Variants in CCDC81 observed in about 807,000 individuals in gnomAD.
The protein encoded by CCDC81 is coiled-coil domain containing 81.
In CCDC81, 79 loss-of-function variants were observed where a neutral mutation model predicts 83.7. The ratio of observed to expected loss-of-function variants is 0.94; its 90% CI spans 0.79 to 1.14. The LOEUF (loss-of-function observed/expected upper bound fraction) is 1.14. Among genes scored for constraint, CCDC81 ranks in the 50% most tolerant of loss-of-function variants. The pLI, the probability that CCDC81 is intolerant of heterozygous loss-of-function variation, is 0.00. For missense variants in CCDC81, 791 were observed against 778.1 expected (o/e 1.02, Z -0.20); for synonymous variants, 252 against 278.1 (o/e 0.91, Z 0.93).
intron 13 of CCDC81, 147 bp downstream of exon 13, chr11:86,415,460 T>C (rs896648430): frequency 1.6e-6 from 1 of 643,816 alleles, no homozygotes. Flanking sequence ...TGAGGAGTTA[T>C]TTGTGCAAGG....
intron 14 of CCDC81, among the ~76,000 whole-genome samples, chr11:86,420,270 G>A (rs1173602043): frequency 1.3e-5 from 2 of 152,160 alleles, no homozygotes; most frequent in East Asian, 1.9e-4. Context: ...TTTACTAACC[G>A]TGCTCTAATA....
chr11:86,408,098 T>C (rs1349860985), intron 8 of CCDC81, 29 bp from the exon 9 acceptor site: 2 of 1,606,354 alleles, frequency 1.2e-6, no homozygotes, highest in Non-Finnish European at 1.7e-6. Flanking sequence ...AATGTAAAAA[T>C]TTATTTGTCC....
intron 10 of CCDC81, among the ~76,000 whole-genome samples, chr11:86,409,575 C>T (rs1948609991): frequency 6.6e-6 from 1 of 152,126 alleles, no homozygotes; most frequent in Admixed American, 6.6e-5. Flanking sequence ...CCTCAGCCTC[C>T]CGAGTAGCTG....
At chr11:86,378,978 T>C (rs1948136114) in intron 1 of CCDC81, among the ~76,000 whole-genome samples, 1 of 152,200 alleles carries the variant, frequency 6.6e-6, no homozygotes, top group Non-Finnish European at 1.5e-5. Flanking sequence ...CTGATATAGC[T>C]AGATTAATAC....
intron 9 of CCDC81, among the ~76,000 whole-genome samples, 153 bp downstream of exon 9, chr11:86,408,423 A>C (rs1593934045): frequency 6.6e-6 from 1 of 152,268 alleles, no homozygotes; most frequent in African/African-American, 2.4e-5. Flanking sequence ...GCCTTGACCT[A>C]CTTGGGCTCA....
intron 7 of CCDC81, among the ~76,000 whole-genome samples, chr11:86,404,969 C>G (rs1948544359): frequency 6.6e-6 from 1 of 152,126 alleles, no homozygotes; most frequent in Non-Finnish European, 1.5e-5. Flanking sequence ...AGCTTGAGTA[C>G]TTTTACAGTA....
Position 86,396,198 on chromosome 11 carries a change from T to C in CCDC81, c.635+785T>C, listed in dbSNP as rs570519620. Among the ~76,000 whole-genome samples, 12 of 152,358 alleles carry C rather than the reference T, an allele frequency of 7.9e-5. No individual in the cohort carries two copies. In the South Asian group the frequency reaches 1.2e-3, roughly 16 times the overall value. ...ACAGTGGTTGTTACTGGTGGTTGCA[T>C]ATTACTGTATTTAATCTTCACGACA... On this transcript the variant is annotated intron_variant, in intron 5 of 14. Transcript: ENST00000445632.
Position 86,379,341 on chromosome 11 carries a change from C to T in CCDC81, c.79+4099C>T, listed in dbSNP as rs538703300. On this transcript the variant is annotated intron_variant, in intron 1 of 14. Transcript: ENST00000445632. ...TTGATCTCCTGACCTTGTGATCCGC[C>T]TACCCCAGCCTCCCAAAGTGCTGGG... 2.3e-3 allele frequency among the ~76,000 whole-genome samples: 356 copies of T among 152,212 alleles called. 1 individual carries two copies. Among genetic ancestry groups the T allele is most frequent in the Non-Finnish European group, 3.8e-3 (259 of 68,000 alleles).
chr11:86,411,241 C>T (rs1450426727), intron 10 of CCDC81, among the ~76,000 whole-genome samples: 1 of 152,136 alleles, frequency 6.6e-6, no homozygotes, highest in Non-Finnish European at 1.5e-5. Context: ...GACTTTTTTT[C>T]TGCTCATTGA....
At chr11:86,376,211 T>C (rs1565755319) in intron 1 of CCDC81, among the ~76,000 whole-genome samples, 1 of 152,194 alleles carries the variant, frequency 6.6e-6, no homozygotes, top group African/African-American at 2.4e-5. Context: ...ATTTACAATT[T>C]AGGTAAATGA....
At chr11:86,397,847 ATATTAT>A in intron 6 of CCDC81, 105 bp downstream of exon 6, 1 of 1,296,466 alleles carries the variant, frequency 7.7e-7, no homozygotes, top group Admixed American at 2.7e-5. Context: ...AATAATCACT[ATATTAT>A]TATTACTTTT....
At chr11:86,413,486 C>T (rs1948673896) in intron 11 of CCDC81, among the ~76,000 whole-genome samples, 1 of 152,104 alleles carries the variant, frequency 6.6e-6, no homozygotes, top group Non-Finnish European at 1.5e-5. Context: ...TCCCCACTTC[C>T]ATATCGTTTA....
intron 13 of CCDC81, among the ~76,000 whole-genome samples, chr11:86,416,199 T>C (rs1406726482): frequency 6.6e-6 from 1 of 152,224 alleles, no homozygotes; most frequent in Non-Finnish European, 1.5e-5. Flanking sequence ...ATATATTCTG[T>C]ATATAAGTCC....
intron 13 of CCDC81, among the ~76,000 whole-genome samples, chr11:86,415,671 CTTTAT>C (rs1028859389): frequency 9.2e-5 from 14 of 152,008 alleles, no homozygotes; most frequent in African/African-American, 3.1e-4. Flanking sequence ...TGTAATCAGT[CTTTAT>C]TTTATTTTAT....
intron 8 of CCDC81, 35 bp from the exon 9 acceptor site, chr11:86,408,092 T>G: frequency 6.2e-7 from 1 of 1,605,630 alleles, no homozygotes; most frequent in Non-Finnish European, 8.5e-7. Context: ...AGGTAAAATG[T>G]AAAAATTTAT....
chr11:86,383,673 T>C (rs1664739363), intron 1 of CCDC81, among the ~76,000 whole-genome samples: 1 of 152,218 alleles, frequency 6.6e-6, no homozygotes, highest in African/African-American at 2.4e-5. Context: ...TATCCTTCAA[T>C]TTGCTTTTTA....
chr11:86,419,868 C>G lies in CCDC81; in HGVS notation c.1692-60C>G, dbSNP rs988781040. The G allele has an allele frequency of 2.6e-5, 39 of 1,520,974 alleles. No individual in the cohort carries two copies. In the Middle Eastern group the frequency reaches 5.3e-4, roughly 21 times the overall value. 94.2% of individuals were successfully genotyped at this position (1,520,974 alleles called of 1,614,324 possible). ...TGTTTAACATAAAAGGAATGGGGCT[C>G]CCAAATTTGGTGCATGCTCTTCCAA... On this transcript the variant is annotated intron_variant, in intron 13 of 14. Coordinates refer to ENST00000445632, the MANE Select transcript of CCDC81 (RefSeq NM_001156474.2).
chr11:86,415,377 C>A, intron 13 of CCDC81, 64 bp downstream of exon 13: 1 of 1,297,468 alleles, frequency 7.7e-7, no homozygotes, highest in Non-Finnish European at 1.1e-6. Context: ...CTTTATCTCT[C>A]TTTTTCCACC....
chr11:86,395,527 CT>C, intron 5 of CCDC81, 114 bp downstream of exon 5: 1 of 737,418 alleles, frequency 1.4e-6, no homozygotes, highest in East Asian at 2.7e-5. Context: ...TTAATGTATT[CT>C]GTCTGTCTCT....
Sources: allele counts gnomAD v4.1 joint callset (sites outside exome capture counted in the v4.1 genomes callset), GRCh38; gene constraint gnomAD v4.1.1; transcripts MANE v1.5; gene names NCBI Gene and HGNC (gene_info 2026-07-23, HGNC 2026-07-21).